Variants in CGGBP1 observed in about 807,000 individuals in gnomAD.
The protein encoded by CGGBP1 is CGG triplet repeat-binding protein 1.
CGGBP1 carries 4 observed loss-of-function variants against 11.4 expected under a neutral mutation model. The observed-to-expected ratio is 0.35, with a 90% CI of 0.17 to 0.80. The LOEUF (loss-of-function observed/expected upper bound fraction) is 0.80, where lower values mean the gene tolerates loss of function less well. Ranked by LOEUF, CGGBP1 falls within the 30% of genes least tolerant of loss-of-function variation. The pLI is 0.52. For synonymous variants in CGGBP1, 76 were observed against 74.1 expected, an observed-to-expected ratio of 1.03 and a Z score of -0.13; for missense variants, 135 against 202.1, an observed-to-expected ratio of 0.67 and a Z score of 2.01.
In CGGBP1 at chr3:88,055,685, T is replaced by C; in HGVS notation, c.292A>G (p.Thr98Ala). 2 of 1,614,196 alleles carry C rather than the reference T, an allele frequency of 1.2e-6. No individual in the cohort carries two copies. The highest frequency in any genetic ancestry group is 1.7e-6 in the Non-Finnish European group (2 of 1,180,038). Residue 98 changes from threonine (T) to alanine (A), a missense_variant, in exon 4 of 4, where the codon ACA (threonine) becomes GCA (alanine). By Grantham distance (58) the Thr-to-Ala change is moderately conservative. Coordinates refer to ENST00000482016, the MANE Select transcript of CGGBP1 (RefSeq NM_001008390.2). This position sits in a 1 kb window ranked among gnomAD's most constrained non-coding sequence, Gnocchi z 4.2. ...TCCTGGATAACACTGACTTTCTCTGTTTGCGCAGTACTGTTGCACTGAAGA... is the reference window on the plus strand; with the variant it reads ...TCCTGGATAACACTGACTTTCTCTGCTTGCGCAGTACTGTTGCACTGAAGA... Reference protein sequence around the residue: ...ASLQCNSTAQTEKVSVIQDFV... With the variant: ...ASLQCNSTAQAEKVSVIQDFV...
At chr3:88,086,047 A>G (rs1463943651) in intron 2 of CGGBP1, among the ~76,000 whole-genome samples, 1 of 152,204 alleles carries the variant, frequency 6.6e-6, no homozygotes, top group Non-Finnish European at 1.5e-5. Context: ...ACATTCATAC[A>G]CTATATTTTC....
intron 2 of CGGBP1, among the ~76,000 whole-genome samples, chr3:88,064,206 A>C (rs1485519523): frequency 6.6e-6 from 1 of 151,540 alleles, no homozygotes; most frequent in Non-Finnish European, 1.5e-5. Context: ...TATCACTGGC[A>C]ACTCTTTCAG....
chr3:88,104,033 G>A (rs1704594559), intron 2 of CGGBP1, among the ~76,000 whole-genome samples: 1 of 151,868 alleles, frequency 6.6e-6, no homozygotes, highest in Non-Finnish European at 1.5e-5. Context: ...TGGGATTACA[G>A]GCCATGAGCC....
intron 2 of CGGBP1, among the ~76,000 whole-genome samples, chr3:88,102,597 T>A (rs1455354670): frequency 2.0e-5 from 3 of 152,198 alleles, no homozygotes; most frequent in Non-Finnish European, 4.4e-5. Flanking sequence ...GGCCAAATCC[T>A]AAAATAGTAT....
At chr3:88,127,037 C>A (rs1693701666) in intron 2 of CGGBP1, among the ~76,000 whole-genome samples, 1 of 152,056 alleles carries the variant, frequency 6.6e-6, no homozygotes, top group South Asian at 2.1e-4. Context: ...CATTCCTGAA[C>A]CCCAGAACAT....
chr3:88,110,426 A>G (rs1705017939), intron 2 of CGGBP1, among the ~76,000 whole-genome samples: 1 of 152,106 alleles, frequency 6.6e-6, no homozygotes, highest in Non-Finnish European at 1.5e-5. Flanking sequence ...TTCCAGTAAT[A>G]CCTTATATAT....
At chr3:88,091,732 C>T (rs150812151) in intron 2 of CGGBP1, among the ~76,000 whole-genome samples, 5,781 of 152,202 alleles carry the variant, frequency 0.038, 144 homozygotes, top group Admixed American at 0.073. Context: ...GAATAAGTCT[C>T]ATGAGATCTG....
At chr3:88,107,387 A>C (rs1169459043) in intron 2 of CGGBP1, among the ~76,000 whole-genome samples, 1 of 152,070 alleles carries the variant, frequency 6.6e-6, no homozygotes, top group Admixed American at 6.5e-5. Flanking sequence ...TTAATTTCCC[A>C]TGTTTTTGTA....
intron 2 of CGGBP1, among the ~76,000 whole-genome samples, chr3:88,123,798 C>G (rs988231008): frequency 6.6e-6 from 1 of 152,104 alleles, no homozygotes; most frequent in Non-Finnish European, 1.5e-5. Context: ...GACTAGTGTC[C>G]AACTTACCTT....
chr3:88,070,688 GCC>G (rs1707461761), intron 2 of CGGBP1, among the ~76,000 whole-genome samples: 2 of 151,130 alleles, frequency 1.3e-5, no homozygotes, highest in South Asian at 4.2e-4. Flanking sequence ...AGAAAGTATG[GCC>G]CATAAGCTAC....
At chr3:88,069,188 G>A (rs1292314035) in intron 2 of CGGBP1, among the ~76,000 whole-genome samples, 2 of 152,128 alleles carry the variant, frequency 1.3e-5, no homozygotes, top group Non-Finnish European at 2.9e-5. Context: ...TTGGGAGGCC[G>A]AGGCAGGTAG....
At chr3:88,109,640 T>C (rs1476547034) in intron 2 of CGGBP1, among the ~76,000 whole-genome samples, 1 of 152,138 alleles carries the variant, frequency 6.6e-6, no homozygotes, top group East Asian at 1.9e-4. Flanking sequence ...TGTTTATAAG[T>C]AGACCTGCAC....
At chr3:88,074,520 T>G (rs1707692927) in intron 2 of CGGBP1, among the ~76,000 whole-genome samples, 4 of 152,024 alleles carry the variant, frequency 2.6e-5, no homozygotes, top group African/African-American at 9.7e-5. Flanking sequence ...TTTTATATTT[T>G]TAGTAGAGAC....
chr3:88,059,071 C>A, upstream of CGGBP1: 3 of 715,040 alleles, frequency 4.2e-6, no homozygotes, highest in Non-Finnish European at 6.5e-6. Flanking sequence ...GCCGGTTTAT[C>A]AAACAGACTG....
upstream of CGGBP1, chr3:88,059,125 T>A: frequency 9.5e-7 from 1 of 1,053,908 alleles, no homozygotes; most frequent in Non-Finnish European, 1.3e-6. Flanking sequence ...TGAACATGAT[T>A]GGCAGCTTGC....
intron 2 of CGGBP1, among the ~76,000 whole-genome samples, chr3:88,080,861 C>T (rs1200918377): frequency 6.6e-6 from 1 of 152,164 alleles, no homozygotes; most frequent in African/African-American, 2.4e-5. Flanking sequence ...TTTAGACTTA[C>T]AGAATGCAGT....
intron 2 of CGGBP1, among the ~76,000 whole-genome samples, chr3:88,076,557 A>T (rs1458817463): frequency 6.6e-6 from 1 of 151,912 alleles, no homozygotes; most frequent in African/African-American, 2.4e-5. Context: ...GTTAATTGTG[A>T]GTGCATCATC....
rs566647398 is a variant in CGGBP1, at chr3:88,131,329, T to C, written c.-229+9641A>G. ...GTTACACTGCGTATAACTGTAGTTTTTGAAGTATTATCATTTTTTGACATG... is the reference window on the plus strand; with the variant it reads ...GTTACACTGCGTATAACTGTAGTTTCTGAAGTATTATCATTTTTTGACATG... On this transcript the variant is annotated intron_variant, in intron 2 of 3. Coordinates refer to the CGGBP1 transcript ENST00000462901. 1.0e-3 allele frequency among the ~76,000 whole-genome samples: 152 copies of C among 152,344 alleles called. 1 individual carries two copies. The highest frequency in any genetic ancestry group is 1.8e-3 in the Non-Finnish European group (124 of 68,032).
intron 2 of CGGBP1, among the ~76,000 whole-genome samples, chr3:88,118,752 T>C (rs1224759713): frequency 6.6e-6 from 1 of 152,202 alleles, no homozygotes; most frequent in Non-Finnish European, 1.5e-5. Context: ...AAAACTGTGC[T>C]ACCATATTTT....
Sources: gnomAD v4.1 joint callset for allele counts (sites outside exome capture counted in the v4.1 genomes callset) on GRCh38, gnomAD v4.1.1 for gene constraint, Gnocchi (gnomAD v3.1) non-coding constraint, MANE v1.5 for transcripts, NCBI Gene and HGNC (gene_info 2026-07-23, HGNC 2026-07-21) for gene names.